PTPRU: variants seen among roughly 807,000 people sequenced by gnomAD.
PTPRU encodes the protein receptor-type tyrosine-protein phosphatase U.
A neutral mutation model predicts 166.3 loss-of-function variants in PTPRU; 69 were observed. The ratio of observed to expected loss-of-function variants is 0.41; its 90% confidence interval spans 0.34 to 0.51. The LOEUF is 0.51. Among genes scored for constraint, PTPRU ranks in the 20% least tolerant of loss-of-function variants. The pLI, the probability that PTPRU is intolerant of heterozygous loss-of-function variation, is 0.09. For synonymous variants in PTPRU, 793 were observed against 814.0 expected (o/e 0.97, Z 0.44); for missense variants, 1,657 against 2,013.7 (o/e 0.82, Z 3.39).
At chr1:29,289,648 C>T (rs1686529008) in intron 14 of PTPRU, 1 of 1,613,776 alleles carries the variant, frequency 6.2e-7, no homozygotes, top group Non-Finnish European at 8.5e-7. Flanking sequence ...GGACCTCGGA[C>T]ACAACTGTGC....
Position 29,271,337 on chromosome 1 carries a change from A to G in PTPRU, c.1145-4111A>G, listed in dbSNP as rs1488221848. 6.6e-6 allele frequency among the ~76,000 whole-genome samples: 1 copy of G among 152,208 alleles called. No homozygotes were observed. The highest frequency in any genetic ancestry group is 1.5e-5 in the Non-Finnish European group (1 of 68,032). ...GAAACTCATGGATTCACACCCCTCAATCAACATATCAGTCTGTAGTCAACA... is the reference window on the plus strand; with the variant it reads ...GAAACTCATGGATTCACACCCCTCAGTCAACATATCAGTCTGTAGTCAACA... On this transcript the variant is annotated intron_variant, in intron 7 of 29. Transcript: ENST00000373779. This position sits in a 1 kb window ranked among gnomAD's most constrained non-coding sequence, Gnocchi z 4.4.
At chr1:29,255,516 C>T in intron 2 of PTPRU, 110 bp downstream of exon 2, 1 of 1,450,062 alleles carries the variant, frequency 6.9e-7, no homozygotes, top group Non-Finnish European at 9.5e-7. Flanking sequence ...GCCCCATCTA[C>T]ATTTGCATCT....
intron 25 of PTPRU, among the ~76,000 whole-genome samples, chr1:29,319,256 C>T (rs376756091): frequency 1.8e-4 from 27 of 152,204 alleles, no homozygotes; most frequent in African/African-American, 5.5e-4. Context: ...TGTGCCCTCC[C>T]GCCCAGCCCC....
rs34784317 is a variant in PTPRU at position 29,317,069 on chromosome 1, G to A, written c.3514-679G>A. Among the ~76,000 whole-genome samples, 564 of 152,276 alleles carry A rather than the reference G, an allele frequency of 3.7e-3. 2 individuals are homozygous for A. Among genetic ancestry groups the A allele is most frequent in the Non-Finnish European group, 6.2e-3 (423 of 68,026 alleles). ...CACAGGAGGTGCAGGGTTCCCGGAG[G>A]AGGGTGTCAGGCTTTGGGGATCATG... On this transcript the variant is annotated intron_variant, in intron 24 of 29. Transcript: ENST00000373779. This position sits in a 1 kb window ranked among gnomAD's most constrained non-coding sequence, Gnocchi z 5.6.
chr1:29,325,390 T>G, intron 29 of PTPRU, 64 bp downstream of exon 29: 10 of 1,579,756 alleles, frequency 6.3e-6, no homozygotes, highest in Non-Finnish European at 8.7e-6. Context: ...GCCAGGTTCC[T>G]TAGCACCCAC....
At chr1:29,321,249 T>C (rs2281377) in intron 26 of PTPRU, among the ~76,000 whole-genome samples, 55,446 of 147,568 alleles carry the variant, frequency 0.38, 10,577 homozygotes, top group East Asian at 0.55. Flanking sequence ...CTGTGTTGCC[T>C]GGACTGGTCT....
At chr1:29,285,791 G>C (rs1175839672) in intron 14 of PTPRU, among the ~76,000 whole-genome samples, 1 of 152,232 alleles carries the variant, frequency 6.6e-6, no homozygotes, top group Non-Finnish European at 1.5e-5. Context: ...GAAGCTGAGT[G>C]GGGGCTTCTG....
In PTPRU at chr1:29,325,340, TC is replaced by T. The variant is rs776673012; in HGVS notation, c.4248+17del. 3.7e-6 allele frequency: 6 copies of T among 1,613,604 alleles called. No individual in the cohort carries two copies. The South Asian group carries it at 6.6e-5, about 18-fold the overall frequency. On this transcript the variant is annotated intron_variant, in intron 29 of 29. Transcript: ENST00000373779. ...GTGGAGACCATGGTGAGGGGCTGTG[TC>T]CCGTGCCCAGCCACTTCCACCTTCC...
intron 7 of PTPRU, among the ~76,000 whole-genome samples, chr1:29,264,895 T>C (rs1685230173): frequency 6.6e-6 from 1 of 152,252 alleles, no homozygotes; most frequent in Admixed American, 6.5e-5. Context: ...TCATTCAGCA[T>C]AGTTTCCTTC....
At chr1:29,255,517 A>T in intron 2 of PTPRU, 111 bp downstream of exon 2, 1 of 1,446,422 alleles carries the variant, frequency 6.9e-7, no homozygotes, top group Non-Finnish European at 9.5e-7. Flanking sequence ...CCCCATCTAC[A>T]TTTGCATCTT....
intron 7 of PTPRU, among the ~76,000 whole-genome samples, chr1:29,272,631 G>T (rs1421451520): frequency 1.3e-5 from 2 of 152,124 alleles, no homozygotes; most frequent in African/African-American, 4.8e-5. Flanking sequence ...TAGGGGCTGG[G>T]TGCGGTGGCT....
At chr1:29,239,192 T>C (rs1037715949) in intron 1 of PTPRU, among the ~76,000 whole-genome samples, 12 of 152,150 alleles carry the variant, frequency 7.9e-5, no homozygotes, top group Middle Eastern at 3.2e-3. Flanking sequence ...GAAGCCCAAG[T>C]AGAATAGATG....
rs1275591773 is a variant in PTPRU at position 29,258,620 on chromosome 1, C to T, written c.321C>T (p.Tyr107=). The T allele has an allele frequency of 9.3e-6, 15 of 1,614,278 alleles. No individual in the cohort carries two copies. In the African/African-American group the frequency reaches 1.7e-4, roughly 19 times the overall value. Residue 107 remains tyrosine, a synonymous_variant, in exon 3 of 30, where the codon TAC becomes TAT. Coordinates refer to ENST00000373779, the MANE Select transcript of PTPRU (RefSeq NM_133178.4). ...GTGTGCAGTTCAGCTACTTCCTGTA[C>T]AGCCGGGACGGGCACAGCCCGGGCA... ...THCVQFSYFL[Y]SRDGHSPGTL...
At chr1:29,303,341 C>T (rs543249029) in intron 15 of PTPRU, among the ~76,000 whole-genome samples, 241 of 152,326 alleles carry the variant, frequency 1.6e-3, no homozygotes, top group African/African-American at 5.5e-3. Context: ...CACAGGCTGA[C>T]GGTGGAACTG....
intron 18 of PTPRU, among the ~76,000 whole-genome samples, chr1:29,308,091 C>T (rs1687480045): frequency 6.6e-6 from 1 of 151,916 alleles, no homozygotes; most frequent in African/African-American, 2.4e-5. Flanking sequence ...AAAAACTACC[C>T]TAATTCATCT....
intron 14 of PTPRU, among the ~76,000 whole-genome samples, chr1:29,288,827 G>A (rs1686485007): frequency 6.6e-6 from 1 of 152,132 alleles, no homozygotes. Context: ...AGAGGCCCAG[G>A]TAGCCCATGC....
At chr1:29,299,469 T>C (rs1687043062) in intron 15 of PTPRU, among the ~76,000 whole-genome samples, 1 of 152,304 alleles carries the variant, frequency 6.6e-6, no homozygotes, top group East Asian at 1.9e-4. Flanking sequence ...AGGGTCCTTT[T>C]GGGAACATCA....
At position 29,317,149 on chromosome 1, in the gene PTPRU, G is replaced by A. The variant is rs948845953; in HGVS notation, c.3514-599G>A. ...CAAGAACAAGAGAAAGAAACTGAGA[G>A]CCCCTGGGTCTGGATGCGTGAGGTG... On this transcript the variant is annotated intron_variant, in intron 24 of 29. Coordinates refer to ENST00000373779, the MANE Select transcript of PTPRU (RefSeq NM_133178.4). This position sits in a 1 kb window ranked among gnomAD's most constrained non-coding sequence, Gnocchi z 5.6. 2.6e-5 allele frequency among the ~76,000 whole-genome samples: 4 copies of A among 152,152 alleles called. No individual in the cohort carries two copies. The highest frequency in any genetic ancestry group is 9.7e-5 in the African/African-American group (4 of 41,428).
In PTPRU at chr1:29,296,543, C is replaced by T. The variant is rs114796553; in HGVS notation, c.2476+4517C>T. On this transcript the variant is annotated intron_variant, in intron 15 of 29. Coordinates refer to ENST00000373779, the MANE Select transcript of PTPRU (RefSeq NM_133178.4). ...TTTCTTTTTGAGATAGGGTTTCACC[C>T]TGTTGCCCAGGCTGGACTATAGTGG... Among the ~76,000 whole-genome samples, 1,017 of 148,030 alleles carry T rather than the reference C, an allele frequency of 6.9e-3. 14 individuals are homozygous for T. Among genetic ancestry groups the T allele is most frequent in the African/African-American group, 0.024 (951 of 39,966 alleles).
Sources: gnomAD v4.1 joint callset for allele counts (sites outside exome capture counted in the v4.1 genomes callset) on GRCh38, gnomAD v4.1.1 for gene constraint, Gnocchi (gnomAD v3.1) non-coding constraint, MANE v1.5 for transcripts, NCBI Gene and HGNC (gene_info 2026-07-23, HGNC 2026-07-21) for gene names.